Variants in CPNE4 observed in about 807,000 individuals in gnomAD.
The protein encoded by CPNE4 is copine 4.
CPNE4 carries 25 observed loss-of-function variants against 67.9 expected under a neutral mutation model. That is an observed-to-expected ratio of 0.37 (90% CI 0.27 to 0.51). The LOEUF is 0.51. Among genes scored for constraint, CPNE4 ranks in the 20% least tolerant of loss-of-function variants. The probability of loss-of-function intolerance (pLI) is 0.93; values close to 1 mark genes in which losing one functional copy is unlikely to be tolerated. For missense variants in CPNE4, 464 were observed against 690.8 expected, an observed-to-expected ratio of 0.67 and a Z score of 3.68; for synonymous variants, 242 against 244.9, an observed-to-expected ratio of 0.99 and a Z score of 0.11.
intron 10 of CPNE4, among the ~76,000 whole-genome samples, chr3:131,564,564 T>A (rs1006044592): frequency 2.6e-5 from 4 of 151,964 alleles, no homozygotes; most frequent in African/African-American, 9.7e-5. Flanking sequence ...TTCCCACCAG[T>A]GCACTCTCTT....
chr3:131,903,258 T>C (rs541127058), intron 2 of CPNE4, among the ~76,000 whole-genome samples: 1 of 152,150 alleles, frequency 6.6e-6, no homozygotes, highest in African/African-American at 2.4e-5. Flanking sequence ...CTGATCAGCA[T>C]GGCTTCAAAT....
At chr3:131,697,027 T>C (rs747556493) in intron 4 of CPNE4, among the ~76,000 whole-genome samples, 11 of 152,186 alleles carry the variant, frequency 7.2e-5, no homozygotes, top group Admixed American at 1.3e-4. Context: ...ACAAGAAATG[T>C]TGGAATAAAC....
chr3:131,953,804 A>T (rs2071852536), intron 1 of CPNE4, among the ~76,000 whole-genome samples: 1 of 152,234 alleles, frequency 6.6e-6, no homozygotes, highest in African/African-American at 2.4e-5. Context: ...TACAGTTAGA[A>T]GTAATAAGTT....
At chr3:131,714,614 T>C (rs1260047056) in intron 3 of CPNE4, among the ~76,000 whole-genome samples, 1 of 152,176 alleles carries the variant, frequency 6.6e-6, no homozygotes, top group East Asian at 1.9e-4. Flanking sequence ...ACATGAGGCA[T>C]TGGGGCAGGG....
intron 10 of CPNE4, among the ~76,000 whole-genome samples, chr3:131,572,512 G>A (rs1023025333): frequency 7.9e-5 from 12 of 151,978 alleles, no homozygotes; most frequent in Non-Finnish European, 1.8e-4. Context: ...CCTCTCGTTG[G>A]TCAAATCCAA....
rs773395113 is a variant in CPNE4 at position 131,535,302 on chromosome 3, C to A, written c.1567G>T (p.Val523Leu). 3 of 1,613,600 alleles carry A rather than the reference C, an allele frequency of 1.9e-6. No individual in the cohort carries two copies. Among genetic ancestry groups the A allele is most frequent in the South Asian group, 1.1e-5 (1 of 90,922 alleles). ...ACTTGGTTTGGGACTTCAGCCAGCA[C>A]GCTCTTTGCCAGGGCAGCTGGAGAT... ...HASPAALAKS[V>L]LAEVPNQVVD... Residue 523 changes from valine to leucine, a missense_variant, in exon 16 of 16, where the codon GTG becomes TTG. Val to Leu is a conservative substitution (Grantham distance 32, BLOSUM62 1). Around this residue, in one of 6 missense-constraint regions of CPNE4, gnomAD observed 201 missense variants for 357.7 expected, o/e 0.56. Transcript: ENST00000429747.
At chr3:132,029,899 T>A (rs548422096) in intron 1 of CPNE4, among the ~76,000 whole-genome samples, 2 of 152,246 alleles carry the variant, frequency 1.3e-5, no homozygotes, top group Non-Finnish European at 2.9e-5. Flanking sequence ...TCTCTTTGTT[T>A]ACTTTATTGA....
chr3:131,942,246 A>T (rs1479088256), intron 1 of CPNE4, among the ~76,000 whole-genome samples: 1 of 151,972 alleles, frequency 6.6e-6, no homozygotes, highest in Non-Finnish European at 1.5e-5. Flanking sequence ...CTCTCTTTAA[A>T]ATGTGTAATT....
chr3:131,849,242 G>C (rs1480909026), intron 2 of CPNE4, among the ~76,000 whole-genome samples: 1 of 152,066 alleles, frequency 6.6e-6, no homozygotes, highest in Non-Finnish European at 1.5e-5. Context: ...GAATATAGCA[G>C]AAGGGATTGT....
chr3:132,018,586 C>G (rs534269812), intron 1 of CPNE4, among the ~76,000 whole-genome samples: 2 of 152,128 alleles, frequency 1.3e-5, no homozygotes, highest in African/African-American at 2.4e-5. Flanking sequence ...CTGTGTCCAC[C>G]AGCTCTACAG....
intron 2 of CPNE4, among the ~76,000 whole-genome samples, chr3:131,792,608 T>TGTGTGTATATGTGTATATATATACACAC (rs1553772125): frequency 1.1e-5 from 1 of 91,368 alleles, no homozygotes; most frequent in African/African-American, 3.7e-5. Context: ...TATATGTGTG[T>TGTGTGTATATGTGTATATATATACACAC]GTGTATATAT....
At chr3:131,934,267 T>A (rs7647371) in intron 1 of CPNE4, among the ~76,000 whole-genome samples, 10,175 of 152,190 alleles carry the variant, frequency 0.067, 411 homozygotes, top group Non-Finnish European at 0.092. Flanking sequence ...GGAATTTTGA[T>A]TGGAGTGAAT....
In CPNE4 at chr3:131,542,051, T is replaced by C. The variant is rs141479919; in HGVS notation, c.1539+506A>G. 2.0e-5 allele frequency among the ~76,000 whole-genome samples: 3 copies of C among 152,342 alleles called. No homozygotes were observed. In the East Asian group the frequency reaches 5.8e-4, roughly 29 times the overall value. ...TTTTGATGCTGCTTACTATATTTTT[T>C]ATAGAGGATTTAGGTTTCTATCATT... On this transcript the variant is annotated intron_variant, in intron 15 of 15. Transcript: ENST00000429747.
intron 2 of CPNE4, among the ~76,000 whole-genome samples, chr3:131,752,196 C>T (rs545091935): frequency 6.6e-6 from 1 of 152,244 alleles, no homozygotes; most frequent in Non-Finnish European, 1.5e-5. Flanking sequence ...TTTTCTGACA[C>T]CATCCTGGCT....
chr3:131,618,387 T>A (rs187612840), intron 7 of CPNE4, among the ~76,000 whole-genome samples: 44 of 152,336 alleles, frequency 2.9e-4, no homozygotes, highest in Admixed American at 9.8e-4. Context: ...AACTTATGAC[T>A]TTTTTGTGGG....
At chr3:131,807,347 A>G (rs1049225538) in intron 2 of CPNE4, among the ~76,000 whole-genome samples, 4 of 152,218 alleles carry the variant, frequency 2.6e-5, no homozygotes, top group African/African-American at 9.7e-5. Flanking sequence ...CTAAAAAGGT[A>G]TCATATCGCA....
intron 5 of CPNE4, among the ~76,000 whole-genome samples, chr3:131,689,425 G>T (rs1387763140): frequency 6.6e-6 from 1 of 151,906 alleles, no homozygotes; most frequent in Non-Finnish European, 1.5e-5. Context: ...AGCAAGGTTG[G>T]TTCAACGTAC....
chr3:131,948,050 T>C (rs73208110), intron 1 of CPNE4, among the ~76,000 whole-genome samples: 10,684 of 152,242 alleles, frequency 0.07, 473 homozygotes, highest in Middle Eastern at 0.099. Context: ...AGGTCTTCTT[T>C]AATTTCTTTC....
At chr3:131,743,319 C>T (rs528023345) in intron 2 of CPNE4, among the ~76,000 whole-genome samples, 1 of 152,170 alleles carries the variant, frequency 6.6e-6, no homozygotes, top group South Asian at 2.1e-4. Context: ...CAGATGGGTT[C>T]ACAGCTGAGA....
Sources: allele counts gnomAD v4.1 joint callset (sites outside exome capture counted in the v4.1 genomes callset), GRCh38; gene constraint gnomAD v4.1.1; regional missense constraint gnomAD v4.1.1; transcripts MANE v1.5; gene names NCBI Gene and HGNC (gene_info 2026-07-23, HGNC 2026-07-21).